Variants in KMT2E observed in about 807,000 individuals in gnomAD.
KMT2E encodes lysine methyltransferase 2E (inactive).
In KMT2E, 30 loss-of-function variants were observed where a neutral mutation model predicts 184.6. The ratio of observed to expected loss-of-function variants is 0.16; its 90% CI spans 0.12 to 0.22. The LOEUF is 0.22. Ranked by LOEUF, KMT2E falls within the 10% of genes least tolerant of loss-of-function variation. The pLI, the probability that KMT2E is intolerant of heterozygous loss-of-function variation, is 1.00. For synonymous variants in KMT2E, 815 were observed against 776.5 expected (o/e 1.05, Z -0.82); for missense variants, 2,023 against 2,237.4 (o/e 0.90, Z 1.93).
rs1799205074 is a variant in KMT2E at position 105,110,818 on chromosome 7, T to A, written c.4018T>A (p.Ser1340Thr). The A allele has an allele frequency of 6.2e-7, 1 of 1,613,956 alleles. No individual in the cohort carries two copies. The highest frequency in any genetic ancestry group is 1.1e-5 in the South Asian group (1 of 91,088). ...PEPTTTNECP[S>T]PDTSQNTCKS... ...ACCCACAACTACGAATGAATGTCCA[T>A]CCCCAGATACTTCTCAAAATACTTG... Residue 1340 changes from serine (S) to threonine (T), a missense_variant, in exon 26 of 27, where the codon TCC becomes ACC. Around this residue, in one of 8 missense-constraint regions of KMT2E, gnomAD observed 1,108 missense variants for 1,050.9 expected, o/e 1.05. Transcript: ENST00000311117.
Position 105,112,982 on chromosome 7 carries a change from ACCT to A in KMT2E, c.5228_5230del (p.Pro1743del), listed in dbSNP as rs1455220409. 1 of 1,613,332 alleles carries A rather than the reference ACCT, an allele frequency of 6.2e-7. No homozygotes were observed. Among genetic ancestry groups the A allele is most frequent in the South Asian group, 1.1e-5 (1 of 91,032 alleles). On this transcript the variant is annotated inframe_deletion, in exon 27 of 27. Transcript: ENST00000311117. ...CATCAGCTCAAGCCTTACACCACCC[ACCT>A]CATCAAGGACCTCCACTTTTTCCTT... is the stretch of plus-strand genomic sequence containing the variant.
intron 1 of KMT2E, among the ~76,000 whole-genome samples, chr7:105,018,390 T>C (rs1794804663): frequency 6.6e-6 from 1 of 152,220 alleles, no homozygotes; most frequent in Non-Finnish European, 1.5e-5. Flanking sequence ...GTAAAAGCTT[T>C]TATCTCCAAA....
chr7:105,062,398 ATAAT>A, intron 4 of KMT2E, 120 bp downstream of exon 4: 1 of 555,806 alleles, frequency 1.8e-6, no homozygotes, highest in Non-Finnish European at 3.1e-6. Context: ...TACTATCAAA[ATAAT>A]TAGGCGTTTA....
intron 3 of KMT2E, among the ~76,000 whole-genome samples, chr7:105,048,298 A>G (rs1287713817): frequency 2.6e-5 from 4 of 152,126 alleles, no homozygotes; most frequent in Admixed American, 6.5e-5. Flanking sequence ...TGGCCTCCCA[A>G]CGTGCTGAGA....
intron 3 of KMT2E, among the ~76,000 whole-genome samples, chr7:105,055,158 T>C (rs1796526629): frequency 6.6e-6 from 1 of 152,004 alleles, no homozygotes; most frequent in Non-Finnish European, 1.5e-5. Flanking sequence ...ATTAACTTGC[T>C]TGGGAGAGAG....
At chr7:105,076,114 A>C (rs1337969348) in intron 9 of KMT2E, 33 bp downstream of exon 9, 2 of 1,454,938 alleles carry the variant, frequency 1.4e-6, no homozygotes, top group East Asian at 4.5e-5. Context: ...GTTGTTATCA[A>C]CTGTCATTTA....
intron 14 of KMT2E, 37 bp from the exon 15 acceptor site, chr7:105,091,176 GAAT>G: frequency 1.1e-6 from 1 of 919,636 alleles, no homozygotes; most frequent in Non-Finnish European, 1.8e-6. Context: ...TGTATAGATG[GAAT>G]AATAGTTTGT....
At position 105,056,669 on chromosome 7, in the gene KMT2E, T is replaced by G. The variant is rs558804342; in HGVS notation, c.72-5495T>G. 6.0e-4 allele frequency among the ~76,000 whole-genome samples: 91 copies of G among 152,350 alleles called. 1 individual carries two copies. The Middle Eastern group carries it at 0.02, about 34-fold the overall frequency. ...GTACATAGAACCACTCTATTGGAAG[T>G]TTGAATTATTGTGAACTAAAGTTAT... On this transcript the variant is annotated intron_variant, in intron 3 of 26. Coordinates refer to ENST00000311117, the MANE Select transcript of KMT2E (RefSeq NM_182931.3).
chr7:105,047,599 T>C (rs1796159579), intron 3 of KMT2E, among the ~76,000 whole-genome samples: 1 of 152,256 alleles, frequency 6.6e-6, no homozygotes, highest in African/African-American at 2.4e-5. Flanking sequence ...CATGTGTTAC[T>C]GCATTATTTT....
In KMT2E at chr7:105,063,530, A is replaced by C; in HGVS notation, c.366A>C (p.Ile122=). ...ATGGTACTGATGTAACCAGGTGCAT[A>C]TGTGGTTTTACACATGATGATGGAT... The part of the protein sequence containing the change: ...GSYGTDVTRC[I]CGFTHDDGYM... The change falls in exon 5 of 27, where the codon ATA becomes ATC. Residue 122 remains isoleucine (I), a synonymous_variant. Transcript: ENST00000311117. 1 of 1,612,952 alleles carries C rather than the reference A, an allele frequency of 6.2e-7. No individual in the cohort carries two copies. Among genetic ancestry groups the C allele is most frequent in the South Asian group, 1.1e-5 (1 of 90,824 alleles).
chr7:105,015,687 T>C (rs1794687449), intron 1 of KMT2E, among the ~76,000 whole-genome samples: 1 of 152,210 alleles, frequency 6.6e-6, no homozygotes, highest in Non-Finnish European at 1.5e-5. Context: ...GGCCCCAGGC[T>C]GATGTTGTGG....
chr7:105,089,198 A>G (rs1562919954), intron 13 of KMT2E: 2 of 395,440 alleles, frequency 5.1e-6, no homozygotes, highest in Non-Finnish European at 9.9e-6. Context: ...AAAATCCTAA[A>G]CTTTTTTTGT....
At position 105,035,025 on chromosome 7, in the gene KMT2E, T is replaced by A. The variant is rs562945097; in HGVS notation, c.-188-3101T>A. 6.8e-5 allele frequency among the ~76,000 whole-genome samples: 10 copies of A among 146,948 alleles called. No homozygotes were observed. In the East Asian group the frequency reaches 1.8e-3, roughly 26 times the overall value. On this transcript the variant is annotated intron_variant, in intron 1 of 26. Transcript: ENST00000311117. ...TGCCCACCACCACACCTGGCTAATT[T>A]TTTTTTTTTTTTTTTTTGAGACTGA...
intron 3 of KMT2E, among the ~76,000 whole-genome samples, chr7:105,051,058 C>CT (rs1562892199): frequency 3.3e-5 from 5 of 151,348 alleles, no homozygotes; most frequent in South Asian, 2.1e-4. Flanking sequence ...TCTTTCTTTC[C>CT]TTTTCTTTCT....
At chr7:105,055,262 A>T (rs1584736055) in intron 3 of KMT2E, among the ~76,000 whole-genome samples, 1 of 131,440 alleles carries the variant, frequency 7.6e-6, no homozygotes, top group East Asian at 2.2e-4. Flanking sequence ...TATATTGCCC[A>T]GGCTGGACTC....
chr7:105,070,901 A>G (rs1349507538), intron 6 of KMT2E, among the ~76,000 whole-genome samples: 3 of 152,206 alleles, frequency 2.0e-5, no homozygotes, highest in Non-Finnish European at 4.4e-5. Flanking sequence ...TCTAAACTCA[A>G]ATATAAAGCA....
chr7:105,028,169 CT>C lies in KMT2E; in HGVS notation c.-188-9942del, dbSNP rs751104838. 7.5e-3 allele frequency among the ~76,000 whole-genome samples: 1,067 copies of C among 141,942 alleles called. 16 individuals carry two copies. Among genetic ancestry groups the C allele is most frequent in the East Asian group, 0.063 (313 of 4,936 alleles). The allele number at this position is 141,942 out of a possible 152,430, so 93.1% of individuals were successfully genotyped here. ...CCTGAGTGGCATAGAGGAACTGAGA[CT>C]TTTTTTTTTTTTTTGTGAGACAGAG... On this transcript the variant is annotated intron_variant, in intron 1 of 26. Transcript: ENST00000311117.
rs775051581 is a variant in KMT2E at position 105,109,237 on chromosome 7, A to G, written c.3755+9A>G. The G allele has an allele frequency of 2.5e-6, 4 of 1,611,882 alleles. No homozygotes were observed. In the African/African-American group the frequency reaches 5.3e-5, roughly 22 times the overall value. On this transcript the variant is annotated intron_variant, in intron 23 of 26. Coordinates refer to ENST00000311117, the MANE Select transcript of KMT2E (RefSeq NM_182931.3). Reference sequence around the variant, plus strand: ...GAACCAGAAGTTCAATGGTAAGCCCATTGTGAAGTATGCTACTCTGGAAAA... The same window carrying G: ...GAACCAGAAGTTCAATGGTAAGCCCGTTGTGAAGTATGCTACTCTGGAAAA...
intron 1 of KMT2E, among the ~76,000 whole-genome samples, chr7:105,025,146 C>CAGT (rs1202792003): frequency 2.0e-5 from 3 of 152,128 alleles, no homozygotes; most frequent in Non-Finnish European, 4.4e-5. Flanking sequence ...GGACTCAAAA[C>CAGT]AGTACTTCTT....
Sources: gnomAD v4.1 joint callset for allele counts (sites outside exome capture counted in the v4.1 genomes callset) on GRCh38, gnomAD v4.1.1 for gene constraint, gnomAD v4.1.1 regional missense constraint, MANE v1.5 for transcripts, NCBI Gene and HGNC (gene_info 2026-07-23, HGNC 2026-07-21) for gene names.